CNTN4: variants seen among roughly 807,000 people sequenced by gnomAD.
The protein encoded by CNTN4 is contactin 4, also known as contactin-4.
Under a neutral mutation model 122.5 loss-of-function variants are expected in CNTN4, and 77 were observed. The observed-to-expected ratio is 0.63, with a 90% CI of 0.52 to 0.76. The LOEUF is 0.76. CNTN4 is among the 30% of genes least tolerant of loss of function. CNTN4 has a pLI of 0.00. For synonymous variants in CNTN4, 512 were observed against 447.0 expected (o/e 1.15, Z -1.83); for missense variants, 1,256 against 1,259.1 (o/e 1.00, Z 0.04).
intron 4 of CNTN4, among the ~76,000 whole-genome samples, chr3:2,597,403 C>T (rs1229496415): frequency 1.3e-5 from 2 of 152,120 alleles, no homozygotes; most frequent in Non-Finnish European, 2.9e-5. Flanking sequence ...CTTTCAAGGG[C>T]CTTTGGCAGG....
chr3:2,820,504 G>T (rs1190383863), intron 7 of CNTN4, among the ~76,000 whole-genome samples: 1 of 152,072 alleles, frequency 6.6e-6, no homozygotes, highest in Non-Finnish European at 1.5e-5. Context: ...ATGATTGATC[G>T]AATCTATGGC....
At chr3:2,130,486 A>G (rs2125274815) in intron 2 of CNTN4, among the ~76,000 whole-genome samples, 1 of 152,350 alleles carries the variant, frequency 6.6e-6, no homozygotes, top group East Asian at 1.9e-4. Flanking sequence ...AACACCCTCT[A>G]AATTAAAAAG....
At chr3:2,160,285 G>A (rs1194201513) in intron 2 of CNTN4, among the ~76,000 whole-genome samples, 1 of 152,108 alleles carries the variant, frequency 6.6e-6, no homozygotes, top group African/African-American at 2.4e-5. Flanking sequence ...AAAAGCAATT[G>A]TGAACTAAAT....
chr3:2,777,489 T>C (rs77966708), intron 6 of CNTN4, among the ~76,000 whole-genome samples: 139 of 152,286 alleles, frequency 9.1e-4, no homozygotes, highest in African/African-American at 3.0e-3. Context: ...GGATTACCCA[T>C]CCAACATCAG....
intron 4 of CNTN4, among the ~76,000 whole-genome samples, chr3:2,725,810 A>G (rs2088184975): frequency 6.6e-6 from 1 of 152,250 alleles, no homozygotes; most frequent in South Asian, 2.1e-4. Context: ...GTATTCACAC[A>G]CACACAAGTA....
At chr3:2,423,936 G>T (rs2047709199) in intron 3 of CNTN4, among the ~76,000 whole-genome samples, 2 of 26,082 alleles carry the variant, frequency 7.7e-5, no homozygotes, top group African/African-American at 1.3e-4. Flanking sequence ...CCTGCTGTGG[G>T]GTGGAGGGAG....
At chr3:3,039,778 A>C in intron 19 of CNTN4, 1 of 466,398 alleles carries the variant, frequency 2.1e-6, no homozygotes, top group Non-Finnish European at 3.9e-6. Context: ...ATTTCCAACC[A>C]TTTCAGAGCT....
chr3:2,117,467 T>C (rs941844036), intron 2 of CNTN4, among the ~76,000 whole-genome samples: 6 of 152,188 alleles, frequency 3.9e-5, no homozygotes, highest in Non-Finnish European at 7.3e-5. Flanking sequence ...TAGGCATGAT[T>C]GATCAAAGTA....
chr3:2,836,597 G>GA (rs2093230293), intron 7 of CNTN4, among the ~76,000 whole-genome samples: 1 of 151,794 alleles, frequency 6.6e-6, no homozygotes, highest in African/African-American at 2.4e-5. Flanking sequence ...AACAATTCAT[G>GA]AAAAAACACT....
intron 13 of CNTN4, among the ~76,000 whole-genome samples, chr3:2,983,071 G>A (rs9850971): frequency 0.071 from 10,728 of 151,318 alleles, 1,072 homozygotes; most frequent in African/African-American, 0.22. Flanking sequence ...AAAATTAGCC[G>A]GGCATGGTGG....
chr3:2,135,115 A>C (rs1278764706), intron 2 of CNTN4, among the ~76,000 whole-genome samples: 1 of 152,170 alleles, frequency 6.6e-6, no homozygotes, highest in Admixed American at 6.5e-5. Flanking sequence ...TCTCAAAATA[A>C]AAATATTCTA....
chr3:2,419,278 A>G (rs1171753235), intron 3 of CNTN4, among the ~76,000 whole-genome samples: 2 of 152,232 alleles, frequency 1.3e-5, no homozygotes, highest in African/African-American at 4.8e-5. Flanking sequence ...ACTCTAATGT[A>G]GCTTTCTGTA....
At chr3:2,771,093 G>C (rs368023155) in intron 6 of CNTN4, among the ~76,000 whole-genome samples, 2 of 152,146 alleles carry the variant, frequency 1.3e-5, no homozygotes, top group East Asian at 3.9e-4. Context: ...TCCAAAGTCA[G>C]CACTTAAAGC....
At chr3:2,926,808 G>T (rs1205966030) in intron 13 of CNTN4, among the ~76,000 whole-genome samples, 1 of 152,120 alleles carries the variant, frequency 6.6e-6, no homozygotes, top group Non-Finnish European at 1.5e-5. Flanking sequence ...ATGGACTAAG[G>T]AGTAACAAAT....
intron 4 of CNTN4, among the ~76,000 whole-genome samples, chr3:2,614,423 A>T (rs17565216): frequency 6.6e-6 from 1 of 152,030 alleles, no homozygotes; most frequent in African/African-American, 2.4e-5. Context: ...AAAAGTGACA[A>T]GGTAACATAC....
chr3:2,429,786 G>C (rs2047989941), intron 3 of CNTN4, among the ~76,000 whole-genome samples: 1 of 152,154 alleles, frequency 6.6e-6, no homozygotes, highest in Non-Finnish European at 1.5e-5. Flanking sequence ...GCAATGGTGG[G>C]TGCCCCTCCC....
In CNTN4 at chr3:2,709,885, GC is replaced by G. The variant is rs893007090; in HGVS notation, c.56-26329del. Among the ~76,000 whole-genome samples the G allele has an allele frequency of 1.3e-5, 2 of 151,860 alleles. No homozygotes were observed. The highest frequency in any genetic ancestry group is 2.9e-5 in the Non-Finnish European group (2 of 67,988). On this transcript the variant is annotated intron_variant, in intron 4 of 24. Transcript: ENST00000418658. The surrounding 1 kb of genome is among the most constrained non-coding windows in gnomAD (Gnocchi z 5.0). ...ACTGCACTCCAGCCTGGGTGACAGG[GC>G]AAGACCCTGTCTCAAACATATAAAT...
chr3:2,574,855 C>G (rs1444129442), intron 4 of CNTN4, among the ~76,000 whole-genome samples: 1 of 151,746 alleles, frequency 6.6e-6, no homozygotes, highest in African/African-American at 2.4e-5. Context: ...TTTTTTCAAT[C>G]TACAAACTCC....
intron 23 of CNTN4, among the ~76,000 whole-genome samples, chr3:3,048,423 C>T (rs2125855429): frequency 6.6e-6 from 1 of 152,006 alleles, no homozygotes; most frequent in East Asian, 1.9e-4. Flanking sequence ...ACTTGAGTAT[C>T]CACAGATTTT....
Sources: allele counts gnomAD v4.1 joint callset (sites outside exome capture counted in the v4.1 genomes callset), GRCh38; gene constraint gnomAD v4.1.1; non-coding constraint Gnocchi (gnomAD v3.1); transcripts MANE v1.5; gene names NCBI Gene and HGNC (gene_info 2026-07-23, HGNC 2026-07-21).